The following BRI3BP variants were observed in gnomAD, a reference collection of about 807,000 sequenced individuals.
The protein encoded by BRI3BP is BRI3 binding protein.
BRI3BP carries 7 observed loss-of-function variants against 15.8 expected under a neutral mutation model. The observed-to-expected ratio is 0.44, with a 90% CI of 0.25 to 0.83. The LOEUF is 0.83. BRI3BP is among the 40% of genes least tolerant of loss of function. The pLI is 0.20. For synonymous variants in BRI3BP, 192 were observed against 163.5 expected (o/e 1.17, Z -1.33); for missense variants, 320 against 339.3 (o/e 0.94, Z 0.45).
downstream of BRI3BP, among the ~76,000 whole-genome samples, chr12:125,035,429 T>C (rs1255697978): frequency 6.6e-6 from 1 of 151,582 alleles, no homozygotes; most frequent in Non-Finnish European, 1.5e-5. Context: ...GATCTTGCTT[T>C]CTTGCCCAGG....
chr12:125,047,906 A>G, the BRI3BP span, among the ~76,000 whole-genome samples: 2 of 151,498 alleles, frequency 1.3e-5, no homozygotes, highest in Non-Finnish European at 2.9e-5. Flanking sequence ...CATGTTGGCC[A>G]GGCTGGTCTT....
At chr12:125,032,921 G>A (rs1955417384), downstream of BRI3BP, among the ~76,000 whole-genome samples, 1 of 152,132 alleles carries the variant, frequency 6.6e-6, no homozygotes, top group Admixed American at 6.5e-5. Flanking sequence ...AGAAGTCACC[G>A]AGGGCAGTGT....
chr12:125,007,478 T>A (rs1955155016), intron 1 of BRI3BP, among the ~76,000 whole-genome samples: 1 of 151,796 alleles, frequency 6.6e-6, no homozygotes, highest in African/African-American at 2.4e-5. Context: ...GGACCTGGGA[T>A]GGGGAGGTTG....
rs547062503 is a variant in BRI3BP, at chr12:124,994,762, G to A, written c.213+759G>A. Among the ~76,000 whole-genome samples, 56 of 152,278 alleles carry A rather than the reference G, an allele frequency of 3.7e-4. No individual in the cohort carries two copies. The South Asian group carries it at 1.0e-2, about 27-fold the overall frequency. ...GCTCTTGAGAAGGAGGAAGTTACTG[G>A]GGACAGTTGTGTGTGGTATTGCGGT... is the stretch of plus-strand genomic sequence containing the variant. On this transcript the variant is annotated intron_variant, in intron 1 of 2. Transcript: ENST00000341446.
At chr12:124,997,178 GTTGCTTTACTTCTCTTTTTTTT>G (rs1156992344) in intron 1 of BRI3BP, among the ~76,000 whole-genome samples, 3 of 107,302 alleles carry the variant, frequency 2.8e-5, no homozygotes, top group South Asian at 3.7e-4. Context: ...CCCTGAGCCA[GTTGCTTTACTTCTCTTTTTTTT>G]TTGCTTTACT....
the BRI3BP span, among the ~76,000 whole-genome samples, chr12:125,039,946 G>C: frequency 6.6e-6 from 1 of 152,188 alleles, no homozygotes; most frequent in African/African-American, 2.4e-5. Context: ...CTTCTCTTTA[G>C]CTACATATCA....
rs1344190854 is a variant in BRI3BP, at chr12:125,029,436, G to A, written c.*4006G>A. The stretch of plus-strand genomic sequence containing the variant: ...AGTCCCAGCTACTCAGGAGGCTGAG[G>A]TGGGAGAATTGTATGAACCTGGGAG... On this transcript the variant is annotated 3_prime_UTR_variant, in exon 3 of 3. Coordinates refer to ENST00000341446, the MANE Select transcript of BRI3BP (RefSeq NM_080626.6). 6.6e-6 allele frequency: 1 copy of A among 151,028 alleles called. No homozygotes were observed. The highest frequency in any genetic ancestry group is 2.4e-5 in the African/African-American group (1 of 41,084). The allele number at this position is 151,028 out of a possible 1,614,324, so 9.4% of individuals were successfully genotyped here.
At chr12:125,018,371 G>C (rs2135996901) in intron 2 of BRI3BP, among the ~76,000 whole-genome samples, 2 of 152,254 alleles carry the variant, frequency 1.3e-5, no homozygotes, top group South Asian at 4.1e-4. Context: ...GGTCATTGTG[G>C]GTGTCATTTG....
At chr12:125,006,513 A>G (rs1326627035) in intron 1 of BRI3BP, among the ~76,000 whole-genome samples, 2 of 152,210 alleles carry the variant, frequency 1.3e-5, no homozygotes, top group Non-Finnish European at 1.5e-5. Flanking sequence ...CTTCTCAGGC[A>G]TGGCAGTTTT....
intron 2 of BRI3BP, among the ~76,000 whole-genome samples, chr12:125,013,845 G>A (rs1379456513): frequency 1.3e-5 from 2 of 152,130 alleles, no homozygotes; most frequent in Non-Finnish European, 2.9e-5. Context: ...TTCTACATGT[G>A]GGAGGGGGCA....
chr12:125,024,676 G>A (rs1277383561), intron 2 of BRI3BP, among the ~76,000 whole-genome samples: 3 of 152,110 alleles, frequency 2.0e-5, no homozygotes, highest in Non-Finnish European at 4.4e-5. Context: ...GCGCATGCCT[G>A]TAATCCCAGC....
At chr12:125,016,264 C>T (rs917944890) in intron 2 of BRI3BP, among the ~76,000 whole-genome samples, 7 of 151,718 alleles carry the variant, frequency 4.6e-5, no homozygotes, top group Admixed American at 4.6e-4. Flanking sequence ...AGTTTGAGTG[C>T]AAAATGCTTT....
At chr12:125,050,283 G>A in the BRI3BP span, among the ~76,000 whole-genome samples, 1 of 151,944 alleles carries the variant, frequency 6.6e-6, no homozygotes, top group African/African-American at 2.4e-5. Flanking sequence ...CCGGGAGGCA[G>A]AGGTTGCAGT....
At chr12:125,015,592 ATC>A (rs969745469) in intron 2 of BRI3BP, among the ~76,000 whole-genome samples, 1 of 152,146 alleles carries the variant, frequency 6.6e-6, no homozygotes, top group African/African-American at 2.4e-5. Context: ...TACATGCGGA[ATC>A]TCTCAGCAGC....
rs139241560 is a variant in BRI3BP at position 124,998,472 on chromosome 12, C to T, written c.213+4469C>T. 1.1e-3 allele frequency among the ~76,000 whole-genome samples: 163 copies of T among 152,166 alleles called. 6 individuals carry two copies. The East Asian group carries it at 0.027, about 25-fold the overall frequency. The stretch of plus-strand genomic sequence containing the variant: ...GTATTGCTATATGCTACAACTTGGA[C>T]GAACCTTGAATAAATGAGAGAAGCC... On this transcript the variant is annotated intron_variant, in intron 1 of 2. Transcript: ENST00000341446.
Position 125,025,535 on chromosome 12 carries a change from G to A in BRI3BP, c.*105G>A. ...CCAAACAATCTTAATAAACACGACT[G>A]AGCAAGAAAGTGGCGCTGTGTAGGG... On this transcript the variant is annotated 3_prime_UTR_variant, in exon 3 of 3. Transcript: ENST00000341446. The A allele has an allele frequency of 3.3e-6, 4 of 1,203,324 alleles. No individual in the cohort carries two copies. The allele number at this position is 1,203,324 out of a possible 1,614,324, so 74.5% of individuals were successfully genotyped here.
intron 2 of BRI3BP, among the ~76,000 whole-genome samples, chr12:125,022,899 G>A (rs1039212281): frequency 3.3e-5 from 5 of 152,168 alleles, no homozygotes; most frequent in Admixed American, 2.6e-4. Flanking sequence ...GTATGATGAA[G>A]TATGATGTGT....
chr12:125,009,268 A>C (rs966542852), intron 1 of BRI3BP, among the ~76,000 whole-genome samples: 5 of 136,692 alleles, frequency 3.7e-5, no homozygotes, highest in African/African-American at 1.4e-4. Context: ...GGTGTGGGCC[A>C]CCGCACCCAG....
chr12:125,040,184 C>A, the BRI3BP span, among the ~76,000 whole-genome samples: 1 of 150,878 alleles, frequency 6.6e-6, no homozygotes. Context: ...ACTGCTTAAA[C>A]CCAGGAGGTG....
Sources: allele counts gnomAD v4.1 joint callset (sites outside exome capture counted in the v4.1 genomes callset), GRCh38; gene constraint gnomAD v4.1.1; transcripts MANE v1.5; gene names NCBI Gene and HGNC (gene_info 2026-07-23, HGNC 2026-07-21).